CAMTA1: variants seen among roughly 807,000 people sequenced by gnomAD.
CAMTA1 encodes calmodulin-binding transcription activator 1.
Under a neutral mutation model 170.9 loss-of-function variants are expected in CAMTA1, and 27 were observed. The observed-to-expected ratio is 0.16, with a 90% confidence interval of 0.12 to 0.22. The LOEUF is 0.22. Ranked by LOEUF, CAMTA1 falls within the 10% of genes least tolerant of loss-of-function variation. The pLI, the probability that CAMTA1 is intolerant of heterozygous loss-of-function variation, is 1.00. For missense variants in CAMTA1, 1,619 were observed against 2,217.2 expected (o/e 0.73, Z 5.42); for synonymous variants, 833 against 891.5 (o/e 0.93, Z 1.17).
At chr1:7,198,844 G>T (rs1035841983) in intron 4 of CAMTA1, among the ~76,000 whole-genome samples, 1 of 152,116 alleles carries the variant, frequency 6.6e-6, no homozygotes. Flanking sequence ...TAGTGAGTCT[G>T]GGGGAGCCCT....
At chr1:7,466,644 C>T (rs1357251131) in intron 5 of CAMTA1, among the ~76,000 whole-genome samples, 1 of 152,140 alleles carries the variant, frequency 6.6e-6, no homozygotes, top group Non-Finnish European at 1.5e-5. Flanking sequence ...GTGGGGGAGG[C>T]CTTTTCCCAC....
intron 3 of CAMTA1, among the ~76,000 whole-genome samples, chr1:6,982,250 C>G (rs991903249): frequency 6.6e-6 from 1 of 152,162 alleles, no homozygotes; most frequent in African/African-American, 2.4e-5. Context: ...TGGCCAGTGT[C>G]TGGGAGATCC....
chr1:6,791,160 T>A (rs1641000021), intron 1 of CAMTA1, among the ~76,000 whole-genome samples: 1 of 147,482 alleles, frequency 6.8e-6, no homozygotes, highest in Non-Finnish European at 1.5e-5. Context: ...AAATCCGACC[T>A]CCCTTTCTTT....
At position 7,515,198 on chromosome 1, in the gene CAMTA1, G is replaced by A. The variant is rs964377483; in HGVS notation, c.510+47297G>A. On this transcript the variant is annotated intron_variant, in intron 6 of 22. Coordinates refer to ENST00000303635, the MANE Select transcript of CAMTA1 (RefSeq NM_015215.4). ...TGGGATCATCAGGCTGGTCCTCCCC[G>A]GCTGCCTCCACCTGGGATCATCCCA... is the stretch of plus-strand genomic sequence containing the variant. 5.9e-5 allele frequency among the ~76,000 whole-genome samples: 9 copies of A among 151,982 alleles called. 1 individual carries two copies. The highest frequency in any genetic ancestry group is 4.2e-4 in the South Asian group (2 of 4,808).
rs2096221158 is a variant in CAMTA1, at chr1:7,682,777, T to C, written c.2914+5044T>C. On this transcript the variant is annotated intron_variant, in intron 11 of 22. Transcript: ENST00000303635. This position sits in a 1 kb window ranked among gnomAD's most constrained non-coding sequence, Gnocchi z 5.0. ...TGCTGAGTGGGCCTGGGCCGGCCGC[T>C]CCTAGGCTGGCTCCCTCCCTCAGAT... Among the ~76,000 whole-genome samples, 1 of 152,188 alleles carries C rather than the reference T, an allele frequency of 6.6e-6. No individual in the cohort carries two copies. Among genetic ancestry groups the C allele is most frequent in the African/African-American group, 2.4e-5 (1 of 41,440 alleles).
At chr1:7,446,983 G>A (rs1365905975) in intron 5 of CAMTA1, among the ~76,000 whole-genome samples, 1 of 152,208 alleles carries the variant, frequency 6.6e-6, no homozygotes, top group Admixed American at 6.5e-5. Flanking sequence ...GCTGGGGTCT[G>A]CAGGAGGGTC....
intron 5 of CAMTA1, among the ~76,000 whole-genome samples, chr1:7,375,661 T>G (rs768257736): frequency 6.6e-6 from 1 of 152,142 alleles, no homozygotes; most frequent in Non-Finnish European, 1.5e-5. Context: ...CACCACTGAT[T>G]AGGGGACCTG....
At chr1:7,081,465 T>C (rs1270595649) in intron 3 of CAMTA1, among the ~76,000 whole-genome samples, 1 of 152,234 alleles carries the variant, frequency 6.6e-6, no homozygotes, top group Non-Finnish European at 1.5e-5. Context: ...TGGGGCAGTC[T>C]TGGATCTGGC....
chr1:7,334,188 G>A (rs769347228), intron 5 of CAMTA1, among the ~76,000 whole-genome samples: 2 of 152,224 alleles, frequency 1.3e-5, no homozygotes, highest in Non-Finnish European at 2.9e-5. Context: ...TCTGTCACAT[G>A]TAATGAGGTA....
intron 6 of CAMTA1, among the ~76,000 whole-genome samples, chr1:7,625,616 G>C (rs941847453): frequency 2.0e-5 from 3 of 152,284 alleles, no homozygotes; most frequent in African/African-American, 4.8e-5. Flanking sequence ...GGCAGTGTCG[G>C]GGTTCACGAG....
intron 3 of CAMTA1, among the ~76,000 whole-genome samples, chr1:6,922,226 T>G (rs1208956253): frequency 1.3e-5 from 2 of 152,304 alleles, no homozygotes; most frequent in Admixed American, 6.5e-5. Flanking sequence ...GCCTCTAGTT[T>G]CAGATGAGCA....
chr1:7,209,253 A>G (rs534667233), intron 4 of CAMTA1, among the ~76,000 whole-genome samples: 1 of 152,300 alleles, frequency 6.6e-6, no homozygotes, highest in South Asian at 2.1e-4. Flanking sequence ...CTCCATGCCA[A>G]TTACTGTCTT....
At chr1:7,631,450 T>C (rs544965946) in intron 6 of CAMTA1, among the ~76,000 whole-genome samples, 1 of 152,232 alleles carries the variant, frequency 6.6e-6, no homozygotes, top group East Asian at 1.9e-4. Context: ...TAAACAGGGA[T>C]AGCAATACCA....
rs188924577 is a variant in CAMTA1, at chr1:7,484,103, A to T, written c.510+16202A>T. 6.5e-3 allele frequency among the ~76,000 whole-genome samples: 994 copies of T among 152,248 alleles called. 43 individuals are homozygous for T. Among genetic ancestry groups the T allele is most frequent in the Non-Finnish European group, 1.1e-3 (77 of 67,998 alleles). On this transcript the variant is annotated intron_variant, in intron 6 of 22. Coordinates refer to ENST00000303635, the MANE Select transcript of CAMTA1 (RefSeq NM_015215.4). ...GAGCCTCACCAAGCAAGAGACATAA[A>T]ACACAGCCACTTGCAGACCGTGGCC...
chr1:6,971,883 C>T lies in CAMTA1; in HGVS notation c.235-119421C>T, dbSNP rs1692598980. 6.6e-6 allele frequency among the ~76,000 whole-genome samples: 1 copy of T among 152,226 alleles called. No homozygotes were observed. Among genetic ancestry groups the T allele is most frequent in the Non-Finnish European group, 1.5e-5 (1 of 68,038 alleles). On this transcript the variant is annotated intron_variant, in intron 3 of 22. Coordinates refer to ENST00000303635, the MANE Select transcript of CAMTA1 (RefSeq NM_015215.4). The surrounding 1 kb of genome is among the most constrained non-coding windows in gnomAD (Gnocchi z 4.6). The stretch of plus-strand genomic sequence containing the variant: ...GCGTCAGCAAGGCCCGTCAGCCTCC[C>T]CAAAAAGCCAGAGCTGGCCTGGAGA...
At chr1:7,425,808 C>G (rs1226006554) in intron 5 of CAMTA1, among the ~76,000 whole-genome samples, 2 of 152,128 alleles carry the variant, frequency 1.3e-5, no homozygotes, top group Non-Finnish European at 2.9e-5. Context: ...CGAGGGGACT[C>G]CCAGTCTCCC....
intron 3 of CAMTA1, among the ~76,000 whole-genome samples, chr1:6,873,418 A>G (rs907973633): frequency 2.0e-5 from 3 of 152,246 alleles, no homozygotes; most frequent in South Asian, 2.1e-4. Context: ...CATGGAAGCC[A>G]TGTGGGGGGC....
chr1:7,417,961 T>C (rs1021581474), intron 5 of CAMTA1, among the ~76,000 whole-genome samples: 4 of 152,176 alleles, frequency 2.6e-5, no homozygotes, highest in African/African-American at 9.6e-5. Flanking sequence ...AAAGCAAGTC[T>C]GAAGACCCAG....
At chr1:7,569,998 C>G (rs2095106419) in intron 6 of CAMTA1, among the ~76,000 whole-genome samples, 1 of 152,190 alleles carries the variant, frequency 6.6e-6, no homozygotes, top group South Asian at 2.1e-4. Context: ...GGAAAAGGTT[C>G]TAAAATCATG....
Sources: gnomAD v4.1 joint callset for allele counts (sites outside exome capture counted in the v4.1 genomes callset) on GRCh38, gnomAD v4.1.1 for gene constraint, Gnocchi (gnomAD v3.1) non-coding constraint, MANE v1.5 for transcripts, NCBI Gene and HGNC (gene_info 2026-07-23, HGNC 2026-07-21) for gene names.